Variants in CYFIP1 observed in about 807,000 individuals in gnomAD.
CYFIP1 encodes cytoplasmic FMR1 interacting protein 1.
A neutral mutation model predicts 163.5 loss-of-function variants in CYFIP1; 58 were observed. The observed-to-expected ratio is 0.35, with a 90% CI of 0.29 to 0.44. The LOEUF (loss-of-function observed/expected upper bound fraction) is 0.44, where lower values mean the gene tolerates loss of function less well. CYFIP1 is among the 20% of genes least tolerant of loss of function. The pLI, the probability that CYFIP1 is intolerant of heterozygous loss-of-function variation, is 1.00. For missense variants in CYFIP1, 1,338 were observed against 1,653.8 expected (o/e 0.81, Z 3.31); for synonymous variants, 663 against 660.7 (o/e 1.00, Z -0.05).
intron 28 of CYFIP1, 97 bp from the exon 29 acceptor site, chr15:22,873,826 C>G: frequency 2.6e-6 from 3 of 1,141,664 alleles, no homozygotes; most frequent in Non-Finnish European, 3.8e-6. Flanking sequence ...GGGTCTTGCT[C>G]TGCTGCCTAG....
intron 1 of CYFIP1, among the ~76,000 whole-genome samples, chr15:22,955,472 T>C (rs6606803): frequency 0.68 from 103,137 of 152,134 alleles, 35,155 homozygotes; most frequent in East Asian, 0.81. Flanking sequence ...AGAGGCAGCA[T>C]GGAGCTGGAG....
rs573658106 is a variant in CYFIP1, at chr15:22,875,533, T to C, written c.3043-262A>G. The C allele has an allele frequency of 9.3e-6, 4 of 430,564 alleles. No homozygotes were observed. In the East Asian group the frequency reaches 1.7e-4, roughly 18 times the overall value. The allele number at this position is 430,564 out of a possible 1,614,324, so 26.7% of individuals were successfully genotyped here. A position where few individuals can be genotyped will look rare whatever the true frequency, so the allele number is the denominator to read the frequency against. ...ACTGAATTTTATTTTTAGTTACATT[T>C]AATTAATGTAAATATAGACACAGGT... On this transcript the variant is annotated intron_variant, in intron 26 of 30. Transcript: ENST00000617928.
chr15:22,904,311 C>T (rs2060499142), intron 21 of CYFIP1: 1 of 265,752 alleles, frequency 3.8e-6, no homozygotes, highest in Admixed American at 4.9e-5. Flanking sequence ...CCTGAAGTCA[C>T]TGAAAGGCAC....
chr15:22,915,905 G>A (rs1461148103), intron 16 of CYFIP1, among the ~76,000 whole-genome samples: 1 of 152,282 alleles, frequency 6.6e-6, no homozygotes, highest in East Asian at 1.9e-4. Flanking sequence ...ATCCTTTCAT[G>A]GAGTTAACAG....
intron 22 of CYFIP1, among the ~76,000 whole-genome samples, chr15:22,895,675 T>C (rs1040206884): frequency 3.3e-5 from 5 of 152,128 alleles, no homozygotes; most frequent in Admixed American, 6.5e-5. Flanking sequence ...AAAGACAGCA[T>C]GGGGTTAGAG....
chr15:22,952,145 C>T (rs1353558551), intron 1 of CYFIP1, among the ~76,000 whole-genome samples: 1 of 152,106 alleles, frequency 6.6e-6, no homozygotes, highest in Non-Finnish European at 1.5e-5. Flanking sequence ...AAAGAAAAAA[C>T]GCCGCATGAT....
intron 30 of CYFIP1, among the ~76,000 whole-genome samples, chr15:22,870,716 T>C (rs150113081): frequency 2.4e-4 from 36 of 152,242 alleles, no homozygotes; most frequent in Non-Finnish European, 3.5e-4. Context: ...ATGCGCACAA[T>C]TGATAGGCCT....
intron 11 of CYFIP1, among the ~76,000 whole-genome samples, chr15:22,929,941 C>T (rs201782622): frequency 7.5e-6 from 1 of 133,840 alleles, no homozygotes; most frequent in African/African-American, 2.8e-5. Context: ...ACCTCAAAAA[C>T]AAACAAAAAA....
intron 1 of CYFIP1, chr15:22,951,639 C>A: frequency 6.7e-6 from 7 of 1,047,178 alleles, no homozygotes; most frequent in Non-Finnish European, 8.9e-6. Context: ...CCGGGCCCCA[C>A]GCGGGTCAAC....
chr15:22,907,537 G>C (rs1319799933), intron 21 of CYFIP1, among the ~76,000 whole-genome samples: 1 of 152,180 alleles, frequency 6.6e-6, no homozygotes, highest in Non-Finnish European at 1.5e-5. Flanking sequence ...GAGCTCCTTG[G>C]GTGAAGGGGA....
chr15:22,955,147 G>C (rs2062400393), intron 1 of CYFIP1, among the ~76,000 whole-genome samples: 1 of 152,200 alleles, frequency 6.6e-6, no homozygotes, highest in Admixed American at 6.5e-5. Flanking sequence ...GGCTCCATGG[G>C]TCCACCTCCT....
intron 8 of CYFIP1, among the ~76,000 whole-genome samples, chr15:22,938,170 AAC>A (rs1355328470): frequency 1.3e-5 from 2 of 152,318 alleles, no homozygotes; most frequent in East Asian, 1.9e-4. Flanking sequence ...TCCCATGAGA[AAC>A]ACAGATGGAA....
chr15:22,872,757 C>T (rs2059473379), intron 30 of CYFIP1, 68 bp downstream of exon 30: 2 of 1,533,978 alleles, frequency 1.3e-6, no homozygotes, highest in Admixed American at 3.5e-5. Context: ...GAAACAAGAA[C>T]TTATAACACA....
chr15:22,882,925 G>A lies in CYFIP1; in HGVS notation c.2763C>T (p.Leu921=), dbSNP rs201995301. The A allele has an allele frequency of 1.7e-5, 28 of 1,613,952 alleles. No homozygotes were observed. The highest frequency in any genetic ancestry group is 4.0e-5 in the African/African-American group (3 of 74,904). ...PPHFQVICRL[L]GYQGIAVVME... ...TGACCACGGCGATACCCTGGTAGCC[G>A]AGAAGCCGGCAGATGACTTGAAAGT... Residue 921 remains leucine (L), a synonymous_variant, in exon 24 of 31, where the codon CTC becomes CTT. Transcript: ENST00000617928.
At chr15:22,976,869 A>G (rs576736482) in intron 1 of CYFIP1, among the ~76,000 whole-genome samples, 11 of 152,256 alleles carry the variant, frequency 7.2e-5, no homozygotes, top group African/African-American at 2.2e-4. Flanking sequence ...CTTTGCATGT[A>G]TCTCCCCATG....
At position 22,969,657 on chromosome 15, in the gene CYFIP1, A is replaced by G. The variant is rs138136503; in HGVS notation, c.-7+10630T>C. On this transcript the variant is annotated intron_variant, in intron 1 of 30. Transcript: ENST00000617928. ...AAATGACAGATGTAAATCCCACTAC[A>G]TACATATTTGCATTAAATGTAAATG... Among the ~76,000 whole-genome samples the G allele has an allele frequency of 1.2e-3, 186 of 152,306 alleles. 2 individuals are homozygous for G. The highest frequency in any genetic ancestry group is 4.3e-3 in the African/African-American group (178 of 41,560).
At position 22,910,562 on chromosome 15, in the gene CYFIP1, C is replaced by T. The variant is rs144203507; in HGVS notation, c.2226G>A (p.Pro742=). 24 of 1,614,038 alleles carry T rather than the reference C, an allele frequency of 1.5e-5. No homozygotes were observed. The highest frequency in any genetic ancestry group is 1.6e-4 in the Middle Eastern group (1 of 6,084). Residue 742 remains proline, a synonymous_variant, in exon 20 of 31, where the codon CCG becomes CCA. Coordinates refer to ENST00000617928, the MANE Select transcript of CYFIP1 (RefSeq NM_014608.6). ...KNQGATIHLP[P]SNRYETLLKQ... is the part of the protein sequence containing the mutation. ...TCAGCAGCGTCTCGTAGCGGTTAGA[C>T]GGCGGGAGGTGGATCGTGGCTCCCT... is the stretch of plus-strand genomic sequence containing the variant.
chr15:22,953,917 G>A (rs59906014), intron 1 of CYFIP1, among the ~76,000 whole-genome samples: 12,637 of 152,122 alleles, frequency 0.083, 535 homozygotes, highest in East Asian at 0.11. Context: ...TTAGCCAGGC[G>A]TGGTGGCGGG....
chr15:22,909,404 G>T, intron 20 of CYFIP1, 91 bp from the exon 21 acceptor site: 1 of 1,541,946 alleles, frequency 6.5e-7, no homozygotes, highest in Non-Finnish European at 8.9e-7. Flanking sequence ...GGAGAAGCTG[G>T]TCTGTCAATA....
Sources: gnomAD v4.1 joint callset for allele counts (sites outside exome capture counted in the v4.1 genomes callset) on GRCh38, gnomAD v4.1.1 for gene constraint, MANE v1.5 for transcripts, NCBI Gene and HGNC (gene_info 2026-07-23, HGNC 2026-07-21) for gene names.